The following DPP6 variants were observed in gnomAD, a reference collection of about 807,000 sequenced individuals.
DPP6 encodes A-type potassium channel modulatory protein DPP6.
Under a neutral mutation model 122.6 loss-of-function variants are expected in DPP6, and 69 were observed. That is an observed-to-expected ratio of 0.56 (90% confidence interval 0.46 to 0.69). The LOEUF is 0.69. Among genes scored for constraint, DPP6 ranks in the 30% least tolerant of loss-of-function variants. DPP6 has a pLI of 0.00. For missense variants in DPP6, 928 were observed against 1,116.9 expected (o/e 0.83, Z 2.41); for synonymous variants, 418 against 433.1 (o/e 0.97, Z 0.43).
intron 1 of DPP6, among the ~76,000 whole-genome samples, chr7:154,127,620 C>CACACACACACAG (rs1807996890): frequency 1.1e-4 from 13 of 119,404 alleles, no homozygotes; most frequent in African/African-American, 5.3e-4. Context: ...CACACACACA[C>CACACACACACAG]ACACACACAC....
intron 1 of DPP6, among the ~76,000 whole-genome samples, chr7:153,934,116 C>T (rs998053524): frequency 1.4e-4 from 22 of 152,164 alleles, no homozygotes; most frequent in African/African-American, 5.3e-4. Flanking sequence ...AAGGACTGCT[C>T]TCAGGGACAC....
At chr7:153,839,294 G>A in the DPP6 span, among the ~76,000 whole-genome samples, 1 of 152,288 alleles carries the variant, frequency 6.6e-6, no homozygotes, top group South Asian at 2.1e-4. Flanking sequence ...TAATTTGGTG[G>A]GTTAAAATCT....
the DPP6 span, among the ~76,000 whole-genome samples, chr7:153,763,207 G>A: frequency 6.6e-6 from 1 of 152,024 alleles, no homozygotes; most frequent in Non-Finnish European, 1.5e-5. Flanking sequence ...GTTCTGAAAT[G>A]TACCATTACG....
intron 5 of DPP6, among the ~76,000 whole-genome samples, chr7:154,611,149 C>T (rs1488926): frequency 0.4 from 61,502 of 151,974 alleles, 13,454 homozygotes; most frequent in East Asian, 0.65. Flanking sequence ...CTTGTTACCT[C>T]GTGTCTTCTG....
Position 154,555,635 on chromosome 7 carries a change from A to T in DPP6, c.553-11207A>T, listed in dbSNP as rs574876213. On this transcript the variant is annotated intron_variant, in intron 4 of 25. Coordinates refer to ENST00000377770, the MANE Select transcript of DPP6 (RefSeq NM_130797.4). ...GTATAATAATAATAAAATAAAATTT[A>T]AAAAAATCCAAATGTCAAAAAAAAC... is the stretch of plus-strand genomic sequence containing the variant. 1.4e-3 allele frequency among the ~76,000 whole-genome samples: 214 copies of T among 152,156 alleles called. 3 individuals carry two copies. The South Asian group carries it at 0.022, about 16-fold the overall frequency.
In DPP6 at chr7:154,876,049, T is replaced by G; in HGVS notation, c.2027T>G (p.Val676Gly). 6.2e-7 allele frequency: 1 copy of G among 1,610,718 alleles called. No individual in the cohort carries two copies. Among genetic ancestry groups the G allele is most frequent in the Non-Finnish European group, 8.5e-7 (1 of 1,178,148 alleles). ...CAAGGGACCAAGCTCCTGCACGAAG[T>G]GAGGCGGCGGCTGGGCTTGCTGGAG... ...GFQGTKLLHEVRRRLGLLEEK... is the reference protein window; with the variant it reads ...GFQGTKLLHEGRRRLGLLEEK... Residue 676 changes from valine to glycine, a missense_variant, in exon 20 of 26, where the codon GTG becomes GGG. Transcript: ENST00000377770.
chr7:153,943,851 G>A (rs1201315701), intron 1 of DPP6, among the ~76,000 whole-genome samples: 1 of 141,464 alleles, frequency 7.1e-6, no homozygotes, highest in Non-Finnish European at 1.6e-5. Context: ...TATGCCCCGA[G>A]TCTGAGTGAT....
At chr7:154,342,381 G>A (rs911513431) in intron 1 of DPP6, among the ~76,000 whole-genome samples, 14 of 152,214 alleles carry the variant, frequency 9.2e-5, no homozygotes, top group Non-Finnish European at 1.9e-4. Flanking sequence ...GCCTTCACAT[G>A]TTTGGGGGTT....
chr7:153,851,178 C>T, the DPP6 span, among the ~76,000 whole-genome samples: 15 of 152,294 alleles, frequency 9.8e-5, no homozygotes, highest in South Asian at 6.2e-4. Context: ...CTCCCACTTT[C>T]GCCATTTGCC....
rs1799756945 is a variant in DPP6 at position 154,821,510 on chromosome 7, T to C, written c.1666+14398T>C. Among the ~76,000 whole-genome samples, 1 of 151,758 alleles carries C rather than the reference T, an allele frequency of 6.6e-6. No individual in the cohort carries two copies. Among genetic ancestry groups the C allele is most frequent in the Non-Finnish European group, 1.5e-5 (1 of 67,988 alleles). ...GGCTGCATACAATCTGGCCACATCC[T>C]ACTTATCCAGCCTCGTAATGACACT... is the stretch of plus-strand genomic sequence containing the variant. On this transcript the variant is annotated intron_variant, in intron 16 of 25. Transcript: ENST00000377770. The surrounding 1 kb of genome is among the most constrained non-coding windows in gnomAD (Gnocchi z 4.2).
intron 5 of DPP6, among the ~76,000 whole-genome samples, chr7:154,632,510 T>C (rs879646807): frequency 5.3e-5 from 8 of 152,158 alleles, no homozygotes; most frequent in Admixed American, 2.0e-4. Context: ...ATGATGGAGC[T>C]ACCAACTGAG....
At chr7:154,422,682 A>AG (rs59465154) in intron 1 of DPP6, among the ~76,000 whole-genome samples, 1 of 39,534 alleles carries the variant, frequency 2.5e-5, no homozygotes, top group Non-Finnish European at 5.7e-5. Context: ...GGATGGGTGG[A>AG]TGGATGGATG....
In DPP6 at chr7:154,880,994, C is replaced by T. The variant is rs1170103344; in HGVS notation, c.2133+52C>T. 12 of 1,596,218 alleles carry T rather than the reference C, an allele frequency of 7.5e-6. No homozygotes were observed. The Admixed American group carries it at 1.9e-4, about 25-fold the overall frequency. On this transcript the variant is annotated intron_variant, in intron 21 of 25. Transcript: ENST00000377770. ...AACCCCTCAGTTCCAGTGTGGCCTG[C>T]ACCATTACCCACGTCTAATCCTGAT...
intron 1 of DPP6, among the ~76,000 whole-genome samples, chr7:154,153,178 G>C (rs201532903): frequency 2.9e-5 from 4 of 139,614 alleles, no homozygotes; most frequent in Non-Finnish European, 4.7e-5. Context: ...ATACAAGAGG[G>C]GAGTTGTTAC....
chr7:154,041,177 T>G (rs950194225), intron 1 of DPP6, among the ~76,000 whole-genome samples: 3 of 152,110 alleles, frequency 2.0e-5, no homozygotes, highest in Non-Finnish European at 4.4e-5. Context: ...CAAAACATGT[T>G]CTCTTCTCTT....
intron 2 of DPP6, among the ~76,000 whole-genome samples, chr7:154,456,659 A>G (rs1320815765): frequency 1.3e-5 from 2 of 152,176 alleles, no homozygotes. Flanking sequence ...GGCTACATTA[A>G]GCATCTGAAA....
intron 1 of DPP6, among the ~76,000 whole-genome samples, chr7:154,414,772 T>G (rs1032272911): frequency 1.3e-5 from 2 of 152,166 alleles, no homozygotes; most frequent in Non-Finnish European, 2.9e-5. Flanking sequence ...CCCCCTTGTG[T>G]GGCTGTCAAG....
At chr7:153,799,814 A>T in the DPP6 span, among the ~76,000 whole-genome samples, 2 of 152,346 alleles carry the variant, frequency 1.3e-5, no homozygotes, top group East Asian at 3.9e-4. Flanking sequence ...TTAGATAAGA[A>T]TTATTAATAC....
At chr7:154,184,758 C>T (rs2150753381) in intron 1 of DPP6, among the ~76,000 whole-genome samples, 1 of 151,332 alleles carries the variant, frequency 6.6e-6, no homozygotes, top group African/African-American at 2.4e-5. Flanking sequence ...AAAATTTCTG[C>T]GGGGAGGTTC....
Sources: allele counts gnomAD v4.1 joint callset (sites outside exome capture counted in the v4.1 genomes callset), GRCh38; gene constraint gnomAD v4.1.1; non-coding constraint Gnocchi (gnomAD v3.1); transcripts MANE v1.5; gene names NCBI Gene and HGNC (gene_info 2026-07-23, HGNC 2026-07-21).